Variants in CCDC30 observed in about 807,000 individuals in gnomAD.
The protein encoded by CCDC30 is coiled-coil domain-containing protein 30.
CCDC30 carries 70 observed loss-of-function variants against 100.2 expected under a neutral mutation model. That is an observed-to-expected ratio of 0.70 (90% confidence interval 0.58 to 0.85). CCDC30 has a LOEUF of 0.85. Ranked by LOEUF, CCDC30 falls within the 40% of genes least tolerant of loss-of-function variation. CCDC30 has a pLI of 0.00. For missense variants in CCDC30, 652 were observed against 771.2 expected (o/e 0.85, Z 1.83); for synonymous variants, 233 against 269.5 (o/e 0.86, Z 1.33).
chr1:42,634,859 C>T lies in CCDC30; in HGVS notation c.1278-2378C>T, dbSNP rs1445921082. Among the ~76,000 whole-genome samples, 7 of 152,258 alleles carry T rather than the reference C, an allele frequency of 4.6e-5. No homozygotes were observed. In the East Asian group the frequency reaches 1.4e-3, roughly 29 times the overall value. On this transcript the variant is annotated intron_variant, in intron 11 of 16. Transcript: ENST00000668663. Reference sequence around the variant, plus strand: ...CTATCACTCTATCCCCAGTTCCCTTCCCACCACCAGACTAGGCAACCACTA... The same window carrying T: ...CTATCACTCTATCCCCAGTTCCCTTTCCACCACCAGACTAGGCAACCACTA...
chr1:42,491,028 T>C (rs1426265804), intron 4 of CCDC30, among the ~76,000 whole-genome samples: 1 of 152,244 alleles, frequency 6.6e-6, no homozygotes, highest in Admixed American at 6.5e-5. Context: ...ATTTGACTAT[T>C]TTAACGGTAA....
chr1:42,547,403 T>C (rs1413462522), intron 6 of CCDC30, among the ~76,000 whole-genome samples: 1 of 152,168 alleles, frequency 6.6e-6, no homozygotes, highest in Non-Finnish European at 1.5e-5. Context: ...TAAGTGGCAA[T>C]GAAGATGAAA....
chr1:42,501,448 C>G (rs72952302), intron 6 of CCDC30, among the ~76,000 whole-genome samples: 1,848 of 152,332 alleles, frequency 0.012, 32 homozygotes, highest in African/African-American at 0.041. Context: ...ACCTTCTTCT[C>G]TCAACTCATC....
intron 8 of CCDC30, among the ~76,000 whole-genome samples, chr1:42,579,697 G>GAGGA (rs890307337): frequency 6.7e-6 from 1 of 150,172 alleles, no homozygotes; most frequent in Non-Finnish European, 1.5e-5. Context: ...GGGAGGAAGG[G>GAGGA]AGGAAGGAAG....
rs959868519 is a variant in CCDC30 at position 42,581,067 on chromosome 1, T to G, written c.847-293T>G. On this transcript the variant is annotated intron_variant, in intron 8 of 16. Coordinates refer to ENST00000668663, the Ensembl canonical transcript of CCDC30. ...GTTGCCCAGGCTGGTCTCGAACTCC[T>G]GAGGCTCAAGCGATTCACCCAGCTC... 6 of 375,462 alleles carry G rather than the reference T, an allele frequency of 1.6e-5. No homozygotes were observed. In the Admixed American group the frequency reaches 2.4e-4, roughly 15 times the overall value. The allele number at this position is 375,462 out of a possible 1,614,324, so 23.3% of individuals were successfully genotyped here. A position where few individuals can be genotyped will look rare whatever the true frequency, so the allele number is the denominator to read the frequency against.
In CCDC30 at chr1:42,637,373, GA is replaced by G; in HGVS notation, c.1418del (p.Lys473ArgfsTer18). The G allele has an allele frequency of 6.2e-7, 1 of 1,605,686 alleles. No individual in the cohort carries two copies. The highest frequency in any genetic ancestry group is 1.1e-5 in the South Asian group (1 of 88,974). The stretch of plus-strand genomic sequence containing the variant: ...AATTGGAATCCTGCAACATAAAATA[GA>G]AAAGGTGAGGAAAAAATAAAAGGTG... On this transcript the variant is annotated frameshift_variant, in exon 12 of 17. Transcript: ENST00000668663. LOFTEE classifies it high-confidence loss of function.
intron 6 of CCDC30, among the ~76,000 whole-genome samples, chr1:42,524,255 TG>T (rs1644691141): frequency 6.6e-6 from 1 of 152,192 alleles, no homozygotes; most frequent in Non-Finnish European, 1.5e-5. Context: ...TATTTTGTTT[TG>T]TTTTTTATTG....
chr1:42,467,193 A>G lies in CCDC30; in HGVS notation c.-92+3295A>G, dbSNP rs186277764. ...TGTGAAGAATATCTGGTCCCAAGCTAAAGGGTTTGAACTCTACATGAAAGC... is the reference window on the plus strand; with the variant it reads ...TGTGAAGAATATCTGGTCCCAAGCTGAAGGGTTTGAACTCTACATGAAAGC... On this transcript the variant is annotated intron_variant, in intron 1 of 16. Transcript: ENST00000668663. 2.3e-3 allele frequency among the ~76,000 whole-genome samples: 353 copies of G among 152,324 alleles called. 2 individuals carry two copies. The highest frequency in any genetic ancestry group is 3.1e-3 in the Non-Finnish European group (212 of 68,026).
intron 12 of CCDC30, 43 bp from the exon 17 acceptor site, chr1:42,642,430 A>T: frequency 7.1e-7 from 1 of 1,413,774 alleles, no homozygotes; most frequent in Non-Finnish European, 9.3e-7. Context: ...AATTTATCAT[A>T]CTTTCTCCTG....
intron 6 of CCDC30, among the ~76,000 whole-genome samples, chr1:42,551,580 T>G (rs1645252766): frequency 6.6e-6 from 1 of 152,110 alleles, no homozygotes; most frequent in African/African-American, 2.4e-5. Flanking sequence ...ATAGTCTGCT[T>G]TTGCCCACAC....
intron 6 of CCDC30, among the ~76,000 whole-genome samples, chr1:42,549,416 C>T (rs1182328313): frequency 6.6e-6 from 1 of 152,174 alleles, no homozygotes; most frequent in Non-Finnish European, 1.5e-5. Context: ...AGTCTCCTAA[C>T]GCTGAGTCAC....
chr1:42,545,505 T>C (rs371862568), intron 6 of CCDC30: 15 of 1,607,716 alleles, frequency 9.3e-6, no homozygotes, highest in Non-Finnish European at 1.3e-5. Context: ...AAAATACCTG[T>C]AAAGATCCTG....
At chr1:42,648,283 T>C (rs1648053519) in intron 15 of CCDC30, among the ~76,000 whole-genome samples, 1 of 152,024 alleles carries the variant, frequency 6.6e-6, no homozygotes, top group African/African-American at 2.4e-5. Flanking sequence ...ATCAAAAAAG[T>C]GGAAAGACTT....
At chr1:42,588,432 T>C (rs1646120061) in intron 9 of CCDC30, among the ~76,000 whole-genome samples, 1 of 152,114 alleles carries the variant, frequency 6.6e-6, no homozygotes, top group Non-Finnish European at 1.5e-5. Context: ...GATGACCCAG[T>C]GTCTAAGTGT....
At chr1:42,622,612 G>T (rs150674666) in intron 11 of CCDC30, among the ~76,000 whole-genome samples, 1 of 151,050 alleles carries the variant, frequency 6.6e-6, no homozygotes, top group East Asian at 1.9e-4. Context: ...GATTACAGGC[G>T]TACTTATGCA....
chr1:42,507,674 A>G (rs1644416248), intron 6 of CCDC30, among the ~76,000 whole-genome samples: 1 of 152,224 alleles, frequency 6.6e-6, no homozygotes, highest in African/African-American at 2.4e-5. Flanking sequence ...CTTTAATGTG[A>G]AACCTGGTAA....
intron 7 of CCDC30, among the ~76,000 whole-genome samples, chr1:42,573,148 A>G (rs891487165): frequency 2.0e-5 from 3 of 152,216 alleles, no homozygotes; most frequent in Admixed American, 6.5e-5. Context: ...AAATACTCAC[A>G]TGAACTCACA....
chr1:42,536,338 T>C (rs1351525933), intron 6 of CCDC30, 138 bp from the exon 7 acceptor site: 2 of 527,546 alleles, frequency 3.8e-6, no homozygotes, highest in Non-Finnish European at 6.5e-6. Flanking sequence ...ATGTATCTTA[T>C]GAGCTATAAA....
At chr1:42,469,610 C>T (rs1643699915) in intron 1 of CCDC30, among the ~76,000 whole-genome samples, 1 of 152,076 alleles carries the variant, frequency 6.6e-6, no homozygotes, top group South Asian at 2.1e-4. Flanking sequence ...AAAGAAAATG[C>T]TTCCCTAAGG....
Sources: gnomAD v4.1 joint callset for allele counts (sites outside exome capture counted in the v4.1 genomes callset) on GRCh38, gnomAD v4.1.1 for gene constraint, MANE v1.5 for transcripts, NCBI Gene and HGNC (gene_info 2026-07-23, HGNC 2026-07-21) for gene names.